RNLS: variants seen among roughly 807,000 people sequenced by gnomAD.
RNLS encodes renalase, FAD dependent amine oxidase.
RNLS carries 39 observed loss-of-function variants against 39.8 expected under a neutral mutation model. That is an observed-to-expected ratio of 0.98 (90% confidence interval 0.76 to 1.28). The LOEUF (loss-of-function observed/expected upper bound fraction) is 1.28. Ranked by LOEUF, RNLS falls within the 50% of genes most tolerant of loss-of-function variation. The pLI is 0.00. For missense variants in RNLS, 410 were observed against 413.3 expected, an observed-to-expected ratio of 0.99 and a Z score of 0.07; for synonymous variants, 147 against 150.7, an observed-to-expected ratio of 0.98 and a Z score of 0.18.
chr10:88,324,566 G>C (rs549305175), intron 5 of RNLS, among the ~76,000 whole-genome samples: 1 of 152,084 alleles, frequency 6.6e-6, no homozygotes, highest in African/African-American at 2.4e-5. Flanking sequence ...CTCCAGAAAG[G>C]GTAAGGATGG....
the RNLS span, among the ~76,000 whole-genome samples, chr10:88,191,703 C>T: frequency 1.9e-3 from 296 of 152,270 alleles, 2 homozygotes; most frequent in South Asian, 7.7e-3. Context: ...GAAGCTCAGT[C>T]GAAGCTACTC....
At chr10:88,255,842 C>T in the RNLS span, among the ~76,000 whole-genome samples, 5 of 152,166 alleles carry the variant, frequency 3.3e-5, no homozygotes, top group Non-Finnish European at 7.4e-5. Flanking sequence ...ACAGTTTCCC[C>T]CTAGGGCAGC....
intron 4 of RNLS, among the ~76,000 whole-genome samples, chr10:88,408,784 T>C (rs887627811): frequency 2.6e-5 from 4 of 152,154 alleles, no homozygotes; most frequent in Non-Finnish European, 5.9e-5. Flanking sequence ...ATTGGGATTA[T>C]GTTTTCTTAA....
At chr10:88,325,269 G>T (rs556793275) in intron 5 of RNLS, among the ~76,000 whole-genome samples, 1 of 152,126 alleles carries the variant, frequency 6.6e-6, no homozygotes, top group Admixed American at 6.6e-5. Flanking sequence ...ATGCACAAGG[G>T]TTCCAATTTC....
chr10:88,343,871 G>A, intron 5 of RNLS: 1 of 959,770 alleles, frequency 1.0e-6, no homozygotes, highest in South Asian at 4.8e-5. Context: ...CTGGAGCAGA[G>A]GATTTGTCCT....
At chr10:88,176,884 A>T in the RNLS span, among the ~76,000 whole-genome samples, 1 of 152,136 alleles carries the variant, frequency 6.6e-6, no homozygotes, top group South Asian at 2.1e-4. Flanking sequence ...GTCTTGTTTT[A>T]CAGTGTTCTT....
chr10:88,256,521 A>G, the RNLS span, among the ~76,000 whole-genome samples: 1 of 152,240 alleles, frequency 6.6e-6, no homozygotes, highest in Non-Finnish European at 1.5e-5. Context: ...CGCCTTCTTC[A>G]GACAGGAGGA....
chr10:88,474,679 C>A (rs138486335), intron 4 of RNLS, among the ~76,000 whole-genome samples: 3 of 152,112 alleles, frequency 2.0e-5, no homozygotes, highest in African/African-American at 7.2e-5. Flanking sequence ...CCAGCCCTGT[C>A]AATAGTGTCT....
At chr10:88,582,149 C>T in intron 2 of RNLS, 53 bp downstream of exon 2, 1 of 1,381,098 alleles carries the variant, frequency 7.2e-7, no homozygotes, top group Non-Finnish European at 1.0e-6. Flanking sequence ...CACAACAACC[C>T]TATGACATCA....
intron 4 of RNLS, among the ~76,000 whole-genome samples, chr10:88,476,848 T>C (rs1373933543): frequency 1.3e-5 from 2 of 152,214 alleles, no homozygotes; most frequent in South Asian, 2.1e-4. Context: ...AGGGTGCTGA[T>C]GTTCATAAAA....
chr10:88,220,543 C>G, the RNLS span, among the ~76,000 whole-genome samples: 85,582 of 152,018 alleles, frequency 0.56, 24,183 homozygotes, highest in African/African-American at 0.6. Context: ...TGGAGCCTAA[C>G]AAGTTTACGT....
the RNLS span, among the ~76,000 whole-genome samples, chr10:88,226,821 A>G: frequency 6.7e-6 from 1 of 149,404 alleles, no homozygotes; most frequent in Non-Finnish European, 1.5e-5. Context: ...AAGGGGAAAA[A>G]TACCATACTG....
At chr10:88,582,336 A>G in intron 1 of RNLS, 29 bp from the exon 2 acceptor site, 1 of 1,568,306 alleles carries the variant, frequency 6.4e-7, no homozygotes, top group Non-Finnish European at 8.7e-7. Flanking sequence ...AAAATGTCTT[A>G]CTGCATGACA....
intron 4 of RNLS, among the ~76,000 whole-genome samples, chr10:88,402,505 A>G (rs1179816769): frequency 6.6e-6 from 1 of 152,026 alleles, no homozygotes; most frequent in East Asian, 1.9e-4. Context: ...TTTTACAGCT[A>G]AAAGTTTCTT....
chr10:88,420,139 T>G (rs1007224256), intron 4 of RNLS, among the ~76,000 whole-genome samples: 1 of 151,934 alleles, frequency 6.6e-6, no homozygotes, highest in East Asian at 1.9e-4. Context: ...TACCTAGATA[T>G]GTAGTTCATG....
intron 6 of RNLS, among the ~76,000 whole-genome samples, chr10:88,277,248 T>C (rs1842842744): frequency 1.3e-5 from 2 of 151,952 alleles, no homozygotes; most frequent in South Asian, 4.1e-4. Flanking sequence ...CACTGCATGT[T>C]CTCACTCATA....
chr10:88,488,242 G>C (rs777474678), intron 4 of RNLS, among the ~76,000 whole-genome samples: 14 of 151,928 alleles, frequency 9.2e-5, no homozygotes, highest in Non-Finnish European at 2.1e-4. Flanking sequence ...ACACCTCAAT[G>C]AATCTGTTAA....
chr10:88,519,702 C>CAGATATATATCACATATATA (rs1846605118), intron 4 of RNLS, among the ~76,000 whole-genome samples: 3 of 148,092 alleles, frequency 2.0e-5, no homozygotes, highest in Non-Finnish European at 4.5e-5. Flanking sequence ...AGATATATAT[C>CAGATATATATCACATATATA]TGATATATAT....
chr10:88,231,023 C>T, the RNLS span, among the ~76,000 whole-genome samples: 1 of 152,188 alleles, frequency 6.6e-6, no homozygotes. Flanking sequence ...CCCTTTCCTT[C>T]ATTACCTCCT....
Sources: gnomAD v4.1 joint callset for allele counts (sites outside exome capture counted in the v4.1 genomes callset) on GRCh38, gnomAD v4.1.1 for gene constraint, MANE v1.5 for transcripts, NCBI Gene and HGNC (gene_info 2026-07-23, HGNC 2026-07-21) for gene names.